The following DUXB variants were observed in gnomAD, a reference collection of about 807,000 sequenced individuals.
DUXB encodes the protein double homeobox B, also known as double homeobox protein B.
DUXB carries 22 observed loss-of-function variants against 8.9 expected under a neutral mutation model. The observed-to-expected ratio is 2.46, with a 90% confidence interval of 1.76 to 3.52. The LOEUF (loss-of-function observed/expected upper bound fraction) is 3.52. DUXB is among the 30% of genes most tolerant of loss of function. The pLI, the probability that DUXB is intolerant of heterozygous loss-of-function variation, is 0.00. For synonymous variants in DUXB, 84 were observed against 37.6 expected, an observed-to-expected ratio of 2.23 and a Z score of -4.52; for missense variants, 237 against 108.7, an observed-to-expected ratio of 2.18 and a Z score of -5.25.
chr16:75,700,019 A>C lies in DUXB; in HGVS notation c.176T>G (p.Ile59Ser), dbSNP rs1318337502. 5.7e-6 allele frequency: 4 copies of C among 698,944 alleles called. No homozygotes were observed. The African/African-American group carries it at 7.0e-5, about 12-fold the overall frequency. The allele number at this position is 698,944 out of a possible 1,614,324, so 43.3% of individuals were successfully genotyped here. Residue 59 changes from isoleucine to serine, a missense_variant, in exon 2 of 5, where the codon ATT becomes AGT. Ile to Ser is a moderately radical substitution (Grantham distance 142). Coordinates refer to ENST00000633875, the MANE Select transcript of DUXB (RefSeq NM_001351307.2). ...AKEIGVPESNIQVWFKNYRVK... is the reference protein window; with the variant it reads ...AKEIGVPESNSQVWFKNYRVK... ...AAGTAGAAATCTAATGCCTACCTGA[A>C]TATTAGATTCTGGAACCCCAATTTC... is the stretch of plus-strand genomic sequence containing the variant.
At chr16:75,700,279 G>T (rs1959202893) in intron 1 of DUXB, 110 bp from the exon 2 acceptor site, 2 of 569,438 alleles carry the variant, frequency 3.5e-6, no homozygotes, top group Non-Finnish European at 6.2e-6. Context: ...CTGTCGCCCA[G>T]ATTGGAGTGC....
At chr16:75,700,840 A>G (rs894397833) in intron 1 of DUXB, among the ~76,000 whole-genome samples, 3 of 152,172 alleles carry the variant, frequency 2.0e-5, no homozygotes, top group Admixed American at 1.3e-4. Flanking sequence ...TACTTTAGGC[A>G]TAGAGCTAAA....
rs1361738679 is a variant in DUXB at position 75,694,453 on chromosome 16, C to T, written c.514G>A (p.Asp172Asn). 2.1e-5 allele frequency: 15 copies of T among 702,778 alleles called. No homozygotes were observed. Among genetic ancestry groups the T allele is most frequent in the East Asian group, 5.4e-5 (2 of 37,286 alleles). 43.5% of individuals were successfully genotyped at this position (702,778 alleles called of 1,614,324 possible). A position where few individuals can be genotyped will look rare whatever the true frequency, so the allele number is the denominator to read the frequency against. Residue 172 changes from aspartate to asparagine, a missense_variant, in exon 5 of 5, where the codon GAC (aspartate) becomes AAC (asparagine). Physicochemically the swap from Asp to Asn is conservative, Grantham distance 23 (BLOSUM62 1). Transcript: ENST00000633875. ...RMEPMNLLVD[D>N]PNERPDATVG... ...GTTGCATCTGGTCTCTCATTTGGGT[C>T]GTCTACCAATAAATTCATGGGCTCC...
rs1959201831 is a variant in DUXB at position 75,700,088 on chromosome 16, T to A, written c.107A>T (p.His36Leu). Residue 36 changes from histidine (H) to leucine (L), a missense_variant, in exon 2 of 5, where the codon CAT becomes CTT. By Grantham distance (99) the His-to-Leu change is moderately conservative (BLOSUM62 -3). Coordinates refer to ENST00000633875, the MANE Select transcript of DUXB (RefSeq NM_001351307.2). ...GGCAGCTTTATCAGGGAAAGGGTCA[T>A]GTTGAAACCATGATTGGAGGATATC... ...QKDILQSWFQHDPFPDKAARE... is the reference protein window; with the variant it reads ...QKDILQSWFQLDPFPDKAARE... 1.4e-5 allele frequency: 10 copies of A among 702,854 alleles called. No individual in the cohort carries two copies. In the East Asian group the frequency reaches 2.7e-4, roughly 19 times the overall value. 43.5% of individuals were successfully genotyped at this position (702,854 alleles called of 1,614,324 possible).
rs1476518392 is a variant in DUXB at position 75,700,034 on chromosome 16, A to C, written c.161T>G (p.Val54Gly). 2 of 699,870 alleles carry C rather than the reference A, an allele frequency of 2.9e-6. No homozygotes were observed. Among genetic ancestry groups the C allele is most frequent in the Non-Finnish European group, 5.2e-6 (2 of 384,176 alleles). 43.4% of individuals were successfully genotyped at this position (699,870 alleles called of 1,614,324 possible). A position where few individuals can be genotyped will look rare whatever the true frequency, so the allele number is the denominator to read the frequency against. ...GCCTACCTGAATATTAGATTCTGGA[A>C]CCCCAATTTCTTTGGCCAGTTGTTC... ...AREQLAKEIG[V>G]PESNIQVWFK... The change falls in exon 2 of 5, where the codon GTT (valine) becomes GGT (glycine). Residue 54 changes from valine (V) to glycine (G), a missense_variant. Val to Gly is a moderately radical substitution (Grantham distance 109). Transcript: ENST00000633875.
At position 75,694,377 on chromosome 16, in the gene DUXB, T is replaced by A. The variant is rs1033723897; in HGVS notation, c.590A>T (p.Tyr197Phe). 1.5e-6 allele frequency: 1 copy of A among 671,706 alleles called. No homozygotes were observed. The highest frequency in any genetic ancestry group is 2.7e-6 in the Non-Finnish European group (1 of 374,102). 41.6% of individuals were successfully genotyped at this position (671,706 alleles called of 1,614,324 possible). The change falls in exon 5 of 5, where the codon TAT (tyrosine) becomes TTT (phenylalanine). Residue 197 changes from tyrosine to phenylalanine, a missense_variant. Transcript: ENST00000633875. ...GCTGGAAGAATGTGAGCAAGAAAAA[T>A]AATGAGAGCTGTCTGTGGGGAGGAA... ...NLFLPTDSSH[Y>F]FSCSHSSSGH...
intron 2 of DUXB, 97 bp from the exon 3 acceptor site, chr16:75,697,040 T>G: frequency 1.6e-6 from 1 of 636,958 alleles, no homozygotes; most frequent in Admixed American, 2.5e-5. Context: ...TGACTGCCTG[T>G]GGCTGGAATA....
Position 75,694,199 on chromosome 16 carries a change from C to T in DUXB, c.768G>A (p.Pro256=), listed in dbSNP as rs773741562. 3.6e-5 allele frequency: 18 copies of T among 495,482 alleles called. No individual in the cohort carries two copies. Among genetic ancestry groups the T allele is most frequent in the Admixed American group, 2.3e-4 (6 of 26,288 alleles). The allele number at this position is 495,482 out of a possible 1,614,324, so 30.7% of individuals were successfully genotyped here. A position where few individuals can be genotyped will look rare whatever the true frequency, so the allele number is the denominator to read the frequency against. Residue 256 remains proline (P), a synonymous_variant, in exon 5 of 5, where the codon CCG becomes CCA. Coordinates refer to ENST00000633875, the MANE Select transcript of DUXB (RefSeq NM_001351307.2). ...GEKSDQPLII[P]NHLLTLPILT... ...GAATTGGCAGTGTCAGGAGGTGATT[C>T]GGAATTATCAGAGGCTGATCAGACT...
intron 2 of DUXB, among the ~76,000 whole-genome samples, chr16:75,698,360 G>C (rs967659737): frequency 6.6e-6 from 1 of 152,126 alleles, no homozygotes; most frequent in African/African-American, 2.4e-5. Flanking sequence ...TATCCTCTCA[G>C]ACTGAGATCC....
rs1597209461 is a variant in DUXB at position 75,695,841 on chromosome 16, T to A, written c.441+120A>T. On this transcript the variant is annotated intron_variant, in intron 4 of 4. Transcript: ENST00000633875. ...GACTTTCAGTGCCAGGCGTTTACCATCCCCCGTTTCCGCCCTTGATGACTT... is the reference window on the plus strand; with the variant it reads ...GACTTTCAGTGCCAGGCGTTTACCAACCCCCGTTTCCGCCCTTGATGACTT... The A allele has an allele frequency of 9.7e-6, 6 of 615,424 alleles. No homozygotes were observed. In the East Asian group the frequency reaches 1.6e-4, roughly 17 times the overall value. 38.1% of individuals were successfully genotyped at this position (615,424 alleles called of 1,614,324 possible).
chr16:75,694,113 T>C lies in DUXB; in HGVS notation c.854A>G (p.Asn285Ser), dbSNP rs1482684705. 1 of 423,476 alleles carries C rather than the reference T, an allele frequency of 2.4e-6. No individual in the cohort carries two copies. Among genetic ancestry groups the C allele is most frequent in the Non-Finnish European group, 4.1e-6 (1 of 242,542 alleles). 26.2% of individuals were successfully genotyped at this position (423,476 alleles called of 1,614,324 possible). ...FWLQYQEEHQ[N>S]HKEHSGSGVP... is the part of the protein sequence containing the mutation. ...TCCCGAGCCAGAGTGTTCTTTGTGA[T>C]TTTGGTGTTCTTCTTGGTATTGGAG... The change falls in exon 5 of 5, where the codon AAT becomes AGT. Residue 285 changes from asparagine (N) to serine (S), a missense_variant. Asn to Ser is a conservative substitution (Grantham distance 46). Transcript: ENST00000633875.
chr16:75,694,991 A>G (rs1166364910), intron 4 of DUXB, among the ~76,000 whole-genome samples: 1 of 152,182 alleles, frequency 6.6e-6, no homozygotes, highest in Admixed American at 6.5e-5. Context: ...TCATGTATGT[A>G]CATATGTTTG....
rs891710651 is a variant in DUXB at position 75,694,292 on chromosome 16, C to G, written c.675G>C (p.Arg225Ser). Residue 225 changes from arginine to serine, a missense_variant, in exon 5 of 5, where the codon AGG becomes AGC. Transcript: ENST00000633875. ...CATTTGGTCCTTGGCTCACATGGAACCTGAAGGGATCCCAAGGAGCCTGGG... is the reference window on the plus strand; with the variant it reads ...CATTTGGTCCTTGGCTCACATGGAAGCTGAAGGGATCCCAAGGAGCCTGGG... ...PSTQAPWDPFRFHVSQGPNVM... is the reference protein window; with the variant it reads ...PSTQAPWDPFSFHVSQGPNVM... 2 of 612,318 alleles carry G rather than the reference C, an allele frequency of 3.3e-6. No homozygotes were observed. Among genetic ancestry groups the G allele is most frequent in the Non-Finnish European group, 5.8e-6 (2 of 346,388 alleles). The allele number at this position is 612,318 out of a possible 1,614,324, so 37.9% of individuals were successfully genotyped here.
chr16:75,700,549 G>A (rs1049114339), intron 1 of DUXB, among the ~76,000 whole-genome samples: 44 of 151,714 alleles, frequency 2.9e-4, no homozygotes, highest in African/African-American at 1.0e-3. Context: ...ATGGAGTCTC[G>A]ATCTGTTGCC....
Position 75,695,993 on chromosome 16 carries a change from C to G in DUXB, c.409G>C (p.Glu137Gln). ...PDIATRKKLA[E>Q]QTGLQESRIQ... ...CTTGATTCCTGCAGGCCTGTTTGTT[C>G]AGCCAGTTTTTTTCTGGTAGCAATA... is the stretch of plus-strand genomic sequence containing the variant. The change falls in exon 4 of 5, where the codon GAA becomes CAA. Residue 137 changes from glutamate (E) to glutamine (Q), a missense_variant. By Grantham distance (29) the Glu-to-Gln change is conservative. Transcript: ENST00000633875. 1.4e-6 allele frequency: 1 copy of G among 702,962 alleles called. No homozygotes were observed. The allele number at this position is 702,962 out of a possible 1,614,324, so 43.5% of individuals were successfully genotyped here.
chr16:75,696,894 C>A lies in DUXB; in HGVS notation c.230G>T (p.Cys77Phe), dbSNP rs1439749821. 2.8e-6 allele frequency: 2 copies of A among 702,902 alleles called. No homozygotes were observed. The allele number at this position is 702,902 out of a possible 1,614,324, so 43.5% of individuals were successfully genotyped here. A position where few individuals can be genotyped will look rare whatever the true frequency, so the allele number is the denominator to read the frequency against. ...RVKQRKLDYKCFSEKDQTQGH... is the reference protein window; with the variant it reads ...RVKQRKLDYKFFSEKDQTQGH... ...CTGGGTTTGATCTTTTTCTGAGAAG[C>A]ACTTATAATCCAGTTTTCTCTGTTT... Residue 77 changes from cysteine to phenylalanine, a missense_variant, in exon 3 of 5, where the codon TGC becomes TTC. Cys to Phe is a radical substitution (Grantham distance 205). Transcript: ENST00000633875.
At position 75,695,131 on chromosome 16, in the gene DUXB, G is replaced by A. The variant is rs1438842186; in HGVS notation, c.442-606C>T. 5.9e-5 allele frequency among the ~76,000 whole-genome samples: 9 copies of A among 152,264 alleles called. No individual in the cohort carries two copies. In the East Asian group the frequency reaches 1.5e-3, roughly 26 times the overall value. On this transcript the variant is annotated intron_variant, in intron 4 of 4. Coordinates refer to ENST00000633875, the MANE Select transcript of DUXB (RefSeq NM_001351307.2). The stretch of plus-strand genomic sequence containing the variant: ...GTGTGTATATATGTGTGTGTAATGT[G>A]TATGTTTGTATATATACATAAACAC...
At chr16:75,700,434 C>G (rs931967527) in intron 1 of DUXB, among the ~76,000 whole-genome samples, 1 of 151,914 alleles carries the variant, frequency 6.6e-6, no homozygotes, top group African/African-American at 2.4e-5. Context: ...GTCTCATTAT[C>G]TTGCCCAGGC....
At chr16:75,700,968 G>A (rs1224845901) in intron 1 of DUXB, among the ~76,000 whole-genome samples, 1 of 152,186 alleles carries the variant, frequency 6.6e-6, no homozygotes, top group Non-Finnish European at 1.5e-5. Flanking sequence ...AAAAGAGGAA[G>A]CAGTAGGGAG....
Sources: allele counts gnomAD v4.1 joint callset (sites outside exome capture counted in the v4.1 genomes callset), GRCh38; gene constraint gnomAD v4.1.1; transcripts MANE v1.5; gene names NCBI Gene and HGNC (gene_info 2026-07-23, HGNC 2026-07-21).